Variants in COL6A3 observed in about 807,000 individuals in gnomAD.
COL6A3 encodes collagen alpha-3(VI) chain.
A neutral mutation model predicts 274.1 loss-of-function variants in COL6A3; 137 were observed. That is an observed-to-expected ratio of 0.50 (90% CI 0.44 to 0.58). The LOEUF (loss-of-function observed/expected upper bound fraction) is 0.58, where lower values mean the gene tolerates loss of function less well. COL6A3 is among the 20% of genes least tolerant of loss of function. The probability of loss-of-function intolerance (pLI) is 0.00; values close to 1 mark genes in which losing one functional copy is unlikely to be tolerated. For synonymous variants in COL6A3, 1,650 were observed against 1,650.6 expected (o/e 1.00, Z 0.01); for missense variants, 3,950 against 4,124.9 (o/e 0.96, Z 1.16).
Position 237,364,562 on chromosome 2 carries a change from A to T in COL6A3, c.5839-134T>A. 1 of 728,918 alleles carries T rather than the reference A, an allele frequency of 1.4e-6. No individual in the cohort carries two copies. The highest frequency in any genetic ancestry group is 2.7e-4 in the Middle Eastern group (1 of 3,728). 45.2% of individuals were successfully genotyped at this position (728,918 alleles called of 1,614,324 possible). A position where few individuals can be genotyped will look rare whatever the true frequency, so the allele number is the denominator to read the frequency against. On this transcript the variant is annotated intron_variant, in intron 12 of 43. Transcript: ENST00000295550. The surrounding 1 kb of genome is among the most constrained non-coding windows in gnomAD (Gnocchi z 4.6). The stretch of plus-strand genomic sequence containing the variant: ...AGGAAACTGAGGGCCCAAGTTGAGG[A>T]ATGATTACCCATGTTCACAAGACTT...
intron 42 of COL6A3, among the ~76,000 whole-genome samples, chr2:237,332,070 CATATATATATATATATATATATATATA>C (rs1700263321): frequency 2.8e-5 from 1 of 35,172 alleles, no homozygotes; most frequent in Non-Finnish European, 7.0e-5. Context: ...TCTCTCTCTA[CATATATATATATATATATATATATATA>C]TATATATATA....
intron 32 of COL6A3, 107 bp downstream of exon 32, chr2:237,346,396 A>T (rs886706901): frequency 1.6e-5 from 15 of 941,562 alleles, no homozygotes; most frequent in Non-Finnish European, 2.4e-5. Flanking sequence ...GCAAATACAA[A>T]GAGAGCACAT....
Position 237,344,559 on chromosome 2 carries a change from G to C in COL6A3, c.7459C>G (p.Leu2487Val). 1 of 1,614,160 alleles carries C rather than the reference G, an allele frequency of 6.2e-7. No homozygotes were observed. The change falls in exon 36 of 44, where the codon CTG becomes GTG. Residue 2487 changes from leucine (L) to valine (V), a missense_variant. Transcript: ENST00000295550. The surrounding 1 kb of genome is among the most constrained non-coding windows in gnomAD (Gnocchi z 4.8). Reference protein sequence around the residue: ...QVALTSKQQSLETAMSFVARN... With the variant: ...QVALTSKQQSVETAMSFVARN... ...GCCACAAACGACATGGCAGTCTCCA[G>C]ACTCTGCTGTTTGGATGTCAGAGCC... is the stretch of plus-strand genomic sequence containing the variant.
At position 237,371,542 on chromosome 2, in the gene COL6A3, G is replaced by T; in HGVS notation, c.4285+190C>A. 7.8e-7 allele frequency: 1 copy of T among 1,282,708 alleles called. No individual in the cohort carries two copies. The highest frequency in any genetic ancestry group is 1.0e-6 in the Non-Finnish European group (1 of 977,626). 79.5% of individuals were successfully genotyped at this position (1,282,708 alleles called of 1,614,324 possible). A position where few individuals can be genotyped will look rare whatever the true frequency, so the allele number is the denominator to read the frequency against. Reference sequence around the variant, plus strand: ...GATCCCAGAAGGCAGAGGTTAAAATGAGTTATGATCATGCCACTGCACTCC... The same window carrying T: ...GATCCCAGAAGGCAGAGGTTAAAATTAGTTATGATCATGCCACTGCACTCC... On this transcript the variant is annotated intron_variant, in intron 9 of 43. Transcript: ENST00000295550. This position sits in a 1 kb window ranked among gnomAD's most constrained non-coding sequence, Gnocchi z 4.3.
chr2:237,325,826 A>G, intron 42 of COL6A3, 102 bp from the exon 43 acceptor site: 2 of 987,860 alleles, frequency 2.0e-6, no homozygotes, highest in Non-Finnish European at 3.0e-6. Context: ...TGGCAGAAGG[A>G]AAAAAAAGAA....
rs562049567 is a variant in COL6A3 at position 237,334,728 on chromosome 2, G to T, written c.9127C>A (p.Arg3043Ser). ...CCAGCGAGCAGGCCTCCAATGACGC[G>T]GTCCGTGACCGTGAGGTTCTGCTTC... Reference protein sequence around the residue: ...VLKQNLTVTDRVIGGLLAGQT... With the variant: ...VLKQNLTVTDSVIGGLLAGQT... The change falls in exon 41 of 44, where the codon CGC (arginine) becomes AGC (serine). Residue 3043 changes from arginine (R) to serine (S), a missense_variant. By Grantham distance (110) the Arg-to-Ser change is moderately radical (BLOSUM62 -1). This residue lies in a region of COL6A3 where 1,284 missense variants were observed against 1,349.7 expected (regional missense o/e 0.95). Transcript: ENST00000295550. The T allele has an allele frequency of 3.1e-6, 5 of 1,614,064 alleles. No homozygotes were observed. In the East Asian group the frequency reaches 8.9e-5, roughly 29 times the overall value.
chr2:237,359,490 T>A lies in COL6A3; in HGVS notation c.6283-102A>T, dbSNP rs994179961. 11 of 1,190,962 alleles carry A rather than the reference T, an allele frequency of 9.2e-6. No homozygotes were observed. In the Admixed American group the frequency reaches 1.8e-4, roughly 20 times the overall value. The allele number at this position is 1,190,962 out of a possible 1,614,324, so 73.8% of individuals were successfully genotyped here. A position where few individuals can be genotyped will look rare whatever the true frequency, so the allele number is the denominator to read the frequency against. On this transcript the variant is annotated intron_variant, in intron 17 of 43. Transcript: ENST00000295550. ...GTTCCCCCACTCCACCCCATTTGAA[T>A]GTTGCAGTGTCTGAAAATGTAATAT...
intron 25 of COL6A3, 147 bp from the exon 26 acceptor site, chr2:237,352,731 G>A (rs1559218077): frequency 4.1e-6 from 3 of 738,604 alleles, no homozygotes; most frequent in Non-Finnish European, 7.3e-6. Flanking sequence ...TCCTGTCTTA[G>A]CTGCAGTAGC....
intron 26 of COL6A3, among the ~76,000 whole-genome samples, chr2:237,351,624 G>A (rs1011794490): frequency 6.6e-6 from 1 of 152,190 alleles, no homozygotes; most frequent in African/African-American, 2.4e-5. Flanking sequence ...CTCTTAAAAT[G>A]TGGTACAGTC....
chr2:237,405,792 C>G (rs758406587), intron 1 of COL6A3, among the ~76,000 whole-genome samples: 33 of 152,100 alleles, frequency 2.2e-4, no homozygotes, highest in Admixed American at 1.6e-3. Context: ...AGGAAACTCC[C>G]CATGCCTTTT....
Position 237,394,838 on chromosome 2 carries a change from T to C in COL6A3, c.458A>G (p.His153Arg). The change falls in exon 3 of 44, where the codon CAC (histidine) becomes CGC (arginine). Residue 153 changes from histidine (H) to arginine (R), a missense_variant. His to Arg is a conservative substitution (Grantham distance 29). Coordinates refer to ENST00000295550, the MANE Select transcript of COL6A3 (RefSeq NM_004369.4). ...PQVIVVLTDG[H>R]SKDGLALPSA... is the part of the protein sequence containing the mutation. ...GGGCAGAGCAAGGCCATCCTTCGAG[T>C]GTCCATCAGTTAACACTACGATAAC... The C allele has an allele frequency of 6.2e-7, 1 of 1,614,042 alleles. No homozygotes were observed. Among genetic ancestry groups the C allele is most frequent in the African/African-American group, 1.3e-5 (1 of 75,054 alleles).
intron 39 of COL6A3, among the ~76,000 whole-genome samples, chr2:237,338,379 C>A (rs911275047): frequency 6.6e-6 from 1 of 152,100 alleles, no homozygotes; most frequent in East Asian, 1.9e-4. Context: ...AAGCAGCTGA[C>A]CACAAACATA....
In COL6A3 at chr2:237,394,846, A is replaced by C; in HGVS notation, c.450T>G (p.Thr150=). 2 of 1,613,974 alleles carry C rather than the reference A, an allele frequency of 1.2e-6. No individual in the cohort carries two copies. Among genetic ancestry groups the C allele is most frequent in the Non-Finnish European group, 1.7e-6 (2 of 1,179,838 alleles). ...CAAGGCCATCCTTCGAGTGTCCATC[A>C]GTTAACACTACGATAACCTGAGGGA... ...DGVPQVIVVL[T]DGHSKDGLAL... Residue 150 remains threonine, a synonymous_variant, in exon 3 of 44, where the codon ACT becomes ACG. Coordinates refer to ENST00000295550, the MANE Select transcript of COL6A3 (RefSeq NM_004369.4).
In COL6A3 at chr2:237,339,969, G is replaced by A. The variant is rs541855017; in HGVS notation, c.8464+483C>T. Among the ~76,000 whole-genome samples, 3 of 152,210 alleles carry A rather than the reference G, an allele frequency of 2.0e-5. No individual in the cohort carries two copies. The South Asian group carries it at 6.2e-4, about 32-fold the overall frequency. ...GTTTGCTGCTGAAGTGCGGTGGAGA[G>A]CATTCCAGGGAGGGGGAGCCCCATG... On this transcript the variant is annotated intron_variant, in intron 38 of 43. Transcript: ENST00000295550.
At chr2:237,392,260 C>T (rs559820183) in intron 3 of COL6A3, among the ~76,000 whole-genome samples, 49 of 152,222 alleles carry the variant, frequency 3.2e-4, no homozygotes, top group Non-Finnish European at 6.0e-4. Flanking sequence ...GTTCTGCCTG[C>T]TCAAGACAGC....
intron 10 of COL6A3, among the ~76,000 whole-genome samples, chr2:237,367,578 G>A (rs558388763): frequency 5.1e-4 from 77 of 152,306 alleles, no homozygotes; most frequent in African/African-American, 1.7e-3. Flanking sequence ...CAGTTATCCC[G>A]TGCAAAATGG....
rs2078379884 is a variant in COL6A3 at position 237,394,594 on chromosome 2, G to T, written c.702C>A (p.Asp234Glu). ...TGGTGGCGTTGCCATTACCTGTGAT[G>T]TCTTTAAGGGTTTCCGTGTCCCCAG... is the stretch of plus-strand genomic sequence containing the variant. Reference protein sequence around the residue: ...ERAGDTETLKDITAQDSADII... With the variant: ...ERAGDTETLKEITAQDSADII... Residue 234 changes from aspartate (D) to glutamate (E), a missense_variant, in exon 3 of 44, where the codon GAC (aspartate) becomes GAA (glutamate). Around this residue, in one of 5 missense-constraint regions of COL6A3, gnomAD observed 1,934 missense variants for 1,984.3 expected, o/e 0.97. Transcript: ENST00000295550. The T allele has an allele frequency of 3.1e-6, 5 of 1,613,956 alleles. No homozygotes were observed. Among genetic ancestry groups the T allele is most frequent in the Middle Eastern group, 3.3e-4 (2 of 6,004 alleles).
chr2:237,370,890 G>A (rs1574699861), intron 9 of COL6A3, among the ~76,000 whole-genome samples: 1 of 152,190 alleles, frequency 6.6e-6, no homozygotes, highest in East Asian at 1.9e-4. Flanking sequence ...TCACAATGGG[G>A]CAAGATGAAA....
At chr2:237,401,241 T>A (rs2078581579) in intron 1 of COL6A3, among the ~76,000 whole-genome samples, 1 of 152,204 alleles carries the variant, frequency 6.6e-6, no homozygotes, top group South Asian at 2.1e-4. Context: ...CACTTTTGGG[T>A]ATATCCAAAA....
Sources: gnomAD v4.1 joint callset for allele counts (sites outside exome capture counted in the v4.1 genomes callset) on GRCh38, gnomAD v4.1.1 for gene constraint, gnomAD v4.1.1 regional missense constraint, Gnocchi (gnomAD v3.1) non-coding constraint, MANE v1.5 for transcripts, NCBI Gene and HGNC (gene_info 2026-07-23, HGNC 2026-07-21) for gene names.